The following CCDC85A variants were observed in gnomAD, a reference collection of about 807,000 sequenced individuals.
The protein encoded by CCDC85A is coiled-coil domain-containing protein 85A.
CCDC85A carries 38 observed loss-of-function variants against 50.2 expected under a neutral mutation model. The ratio of observed to expected loss-of-function variants is 0.76; its 90% CI spans 0.58 to 0.99. CCDC85A has a LOEUF of 0.99. CCDC85A is among the 50% of genes least tolerant of loss of function. The pLI, the probability that CCDC85A is intolerant of heterozygous loss-of-function variation, is 0.00. For synonymous variants in CCDC85A, 366 were observed against 301.4 expected, an observed-to-expected ratio of 1.21 and a Z score of -2.22; for missense variants, 820 against 742.0, an observed-to-expected ratio of 1.11 and a Z score of -1.22.
At chr2:56,375,440 C>T (rs958514000) in intron 4 of CCDC85A, among the ~76,000 whole-genome samples, 3 of 152,198 alleles carry the variant, frequency 2.0e-5, no homozygotes, top group African/African-American at 7.2e-5. Context: ...TATTCTGAGA[C>T]ATATGGAATA....
chr2:56,327,831 CAAAAAA>C (rs70955016), intron 2 of CCDC85A, among the ~76,000 whole-genome samples: 3 of 93,264 alleles, frequency 3.2e-5, no homozygotes, highest in Non-Finnish European at 4.4e-5. Flanking sequence ...TAGAGTAAGG[CAAAAAA>C]AAAAAAAAAA....
intron 5 of CCDC85A, among the ~76,000 whole-genome samples, chr2:56,383,133 T>G (rs1676668562): frequency 6.6e-6 from 1 of 151,972 alleles, no homozygotes; most frequent in South Asian, 2.1e-4. Context: ...GCATTGAGAT[T>G]AACAGTTTCT....
At chr2:56,190,732 A>G (rs1676258252) in intron 1 of CCDC85A, among the ~76,000 whole-genome samples, 1 of 152,072 alleles carries the variant, frequency 6.6e-6, no homozygotes, top group Admixed American at 6.5e-5. Context: ...CTCCACTGCT[A>G]CCACACGTCC....
chr2:56,234,276 T>A (rs940193548), intron 2 of CCDC85A, among the ~76,000 whole-genome samples: 5 of 152,164 alleles, frequency 3.3e-5, no homozygotes, highest in South Asian at 2.1e-4. Flanking sequence ...GTATCATGGG[T>A]GCAGTGCTAA....
chr2:56,357,972 GC>G, intron 3 of CCDC85A, among the ~76,000 whole-genome samples: 1 of 152,126 alleles, frequency 6.6e-6, no homozygotes, highest in South Asian at 2.1e-4. Flanking sequence ...TCTGACCCTG[GC>G]CCCCCATGGT....
chr2:56,246,139 G>A (rs757451550), intron 2 of CCDC85A, among the ~76,000 whole-genome samples: 8 of 152,030 alleles, frequency 5.3e-5, no homozygotes, highest in Non-Finnish European at 1.0e-4. Context: ...GGTCAGGCAG[G>A]TCTTGAACTC....
At chr2:56,350,248 C>G (rs1218838263) in intron 3 of CCDC85A, among the ~76,000 whole-genome samples, 2 of 151,468 alleles carry the variant, frequency 1.3e-5, no homozygotes, top group South Asian at 2.1e-4. Flanking sequence ...CTCACTGCAA[C>G]CTCCACCTCC....
chr2:56,344,773 G>C (rs1460088454), intron 3 of CCDC85A, among the ~76,000 whole-genome samples: 1 of 152,022 alleles, frequency 6.6e-6, no homozygotes, highest in Admixed American at 6.6e-5. Context: ...ACAAAATCTA[G>C]TTAGTTTATT....
At chr2:56,306,400 T>C (rs1249161217) in intron 2 of CCDC85A, among the ~76,000 whole-genome samples, 2 of 152,128 alleles carry the variant, frequency 1.3e-5, no homozygotes, top group African/African-American at 4.8e-5. Flanking sequence ...AGTGCTGAGA[T>C]TACAGGTGTA....
chr2:56,328,164 G>C lies in CCDC85A; in HGVS notation c.1241-14715G>C, dbSNP rs1673571306. On this transcript the variant is annotated intron_variant, in intron 2 of 5. Transcript: ENST00000407595. ...CTCCCTTGAAGAGCAAGGGGTCCCA[G>C]ATGAAGAAGAATGAGAAAAGCATGC... 2.0e-5 allele frequency among the ~76,000 whole-genome samples: 3 copies of C among 152,164 alleles called. No individual in the cohort carries two copies. The South Asian group carries it at 6.2e-4, about 31-fold the overall frequency.
chr2:56,347,225 C>A (rs1674673739), intron 3 of CCDC85A, among the ~76,000 whole-genome samples: 1 of 152,168 alleles, frequency 6.6e-6, no homozygotes, highest in African/African-American at 2.4e-5. Context: ...CCTTTTCAGT[C>A]AAGGTGTATT....
intron 2 of CCDC85A, among the ~76,000 whole-genome samples, chr2:56,240,328 C>T (rs1324848448): frequency 2.6e-5 from 4 of 152,070 alleles, no homozygotes; most frequent in Admixed American, 6.6e-5. Context: ...AGGGTATAAC[C>T]GAGTAACTAA....
chr2:56,373,147 A>G (rs1676166209), intron 4 of CCDC85A, among the ~76,000 whole-genome samples: 1 of 152,230 alleles, frequency 6.6e-6, no homozygotes, highest in Admixed American at 6.5e-5. Context: ...TAGAAAAATT[A>G]TTTAACATCT....
chr2:56,213,149 A>G (rs1377208103), intron 2 of CCDC85A, among the ~76,000 whole-genome samples: 1 of 151,994 alleles, frequency 6.6e-6, no homozygotes, highest in Admixed American at 6.6e-5. Context: ...AGAGCTCTCA[A>G]CTGACTCTAG....
At chr2:56,378,534 G>C (rs1676443319) in intron 5 of CCDC85A, among the ~76,000 whole-genome samples, 1 of 152,208 alleles carries the variant, frequency 6.6e-6, no homozygotes. Flanking sequence ...ACCAAGCACA[G>C]TCAGTGATTT....
chr2:56,331,775 G>T (rs543818762), intron 2 of CCDC85A, among the ~76,000 whole-genome samples: 1 of 152,170 alleles, frequency 6.6e-6, no homozygotes, highest in Non-Finnish European at 1.5e-5. Flanking sequence ...AACAGCACTC[G>T]TGATTTTTTC....
intron 3 of CCDC85A, among the ~76,000 whole-genome samples, chr2:56,371,692 A>G (rs13021782): frequency 0.49 from 74,596 of 151,730 alleles, 19,804 homozygotes; most frequent in East Asian, 0.78. Flanking sequence ...TTTCTTTTCA[A>G]TTATGTGATG....
intron 2 of CCDC85A, among the ~76,000 whole-genome samples, chr2:56,301,220 C>T (rs1405041292): frequency 6.6e-6 from 1 of 152,114 alleles, no homozygotes; most frequent in African/African-American, 2.4e-5. Context: ...AATCAAATCA[C>T]TCAGTGGTCA....
Position 56,193,379 on chromosome 2 carries a change from C to G in CCDC85A, c.1179C>G (p.Leu393=), listed in dbSNP as rs777550693. The change falls in exon 2 of 6, where the codon CTC becomes CTG. Residue 393 remains leucine (L), a synonymous_variant. Coordinates refer to ENST00000407595, the MANE Select transcript of CCDC85A (RefSeq NM_001080433.2). ...GSGGGSREGT[L]RRQAQEDGSP... ...GCGGAGGCAGCAGGGAGGGCACCCT[C>G]AGACGGCAGGCACAGGAGGACGGGT... The G allele has an allele frequency of 1.2e-6, 2 of 1,611,262 alleles. No homozygotes were observed. The highest frequency in any genetic ancestry group is 1.3e-5 in the African/African-American group (1 of 74,902).
Sources: allele counts gnomAD v4.1 joint callset (sites outside exome capture counted in the v4.1 genomes callset), GRCh38; gene constraint gnomAD v4.1.1; transcripts MANE v1.5; gene names NCBI Gene and HGNC (gene_info 2026-07-23, HGNC 2026-07-21).